Variants in PABPN1 observed in about 807,000 individuals in gnomAD.
PABPN1 encodes the protein poly(A) binding protein nuclear 1.
In PABPN1, 5 loss-of-function variants were observed where a neutral mutation model predicts 33.4. That is an observed-to-expected ratio of 0.15 (90% CI 0.08 to 0.32). The LOEUF is 0.32. Ranked by LOEUF, PABPN1 falls within the 10% of genes least tolerant of loss-of-function variation. The pLI, the probability that PABPN1 is intolerant of heterozygous loss-of-function variation, is 1.00. For missense variants in PABPN1, 312 were observed against 425.8 expected (o/e 0.73, Z 2.35); for synonymous variants, 176 against 170.6 (o/e 1.03, Z -0.25).
rs550945824 is a variant in PABPN1, at chr14:23,324,059, C to T, written c.729+7C>T. The T allele has an allele frequency of 3.7e-6, 6 of 1,614,166 alleles. No homozygotes were observed. The highest frequency in any genetic ancestry group is 4.2e-6 in the Non-Finnish European group (5 of 1,180,030). ...TAGAGGAAGGCAAATCAAGGTAAGC[C>T]TATGTCCATTGCTGTTCTAGTTGTG... is the stretch of plus-strand genomic sequence containing the variant. On this transcript the variant is annotated splice_region_variant and intron_variant, in intron 5 of 6. Transcript: ENST00000216727.
chr14:23,325,213 C>T, intron 6 of PABPN1, 34 bp from the exon 7 acceptor site: 1 of 1,613,558 alleles, frequency 6.2e-7, no homozygotes, highest in Non-Finnish European at 8.5e-7. Flanking sequence ...ATCTAGTGAT[C>T]ACGTTAACAC....
At chr14:23,323,140 A>G (rs1160817483) in intron 3 of PABPN1, 74 bp downstream of exon 3, 12 of 1,598,276 alleles carry the variant, frequency 7.5e-6, no homozygotes, top group Admixed American at 1.7e-5. Flanking sequence ...TCCTGAAAGG[A>G]ACATCTCCGG....
rs1888722258 is a variant in PABPN1, at chr14:23,325,913, T to C, written c.*627T>C. The C allele has an allele frequency of 6.5e-6, 1 of 152,798 alleles. No homozygotes were observed. The allele number at this position is 152,798 out of a possible 1,614,324, so 9.5% of individuals were successfully genotyped here. ...CCGCTCCCAGCGGCTCCAGTGTAAA[T>C]TCCCCTTCCCCCTGGGGAAATGCAC... is the stretch of plus-strand genomic sequence containing the variant. On this transcript the variant is annotated 3_prime_UTR_variant, in exon 7 of 7. Transcript: ENST00000216727.
At chr14:23,321,867 G>A in intron 1 of PABPN1, 47 bp downstream of exon 1, 1 of 1,340,196 alleles carries the variant, frequency 7.5e-7, no homozygotes, top group Non-Finnish European at 1.0e-6. Flanking sequence ...GGCCGGCCGG[G>A]TCACTGGAGG....
At chr14:23,323,728 C>G (rs1208811952) in intron 4 of PABPN1, among the ~76,000 whole-genome samples, 6 of 152,248 alleles carry the variant, frequency 3.9e-5, no homozygotes, top group African/African-American at 1.4e-4. Flanking sequence ...TCTACTTGGC[C>G]TATTATGGCC....
rs577048276 is a variant in PABPN1, at chr14:23,325,324, A to T, written c.*38A>T. The T allele has an allele frequency of 4.0e-4, 609 of 1,527,322 alleles. 10 individuals are homozygous for T. The South Asian group carries it at 7.3e-3, about 18-fold the overall frequency. The allele number at this position is 1,527,322 out of a possible 1,614,324, so 94.6% of individuals were successfully genotyped here. A position where few individuals can be genotyped will look rare whatever the true frequency, so the allele number is the denominator to read the frequency against. ...TTAGGAGGAGAGAGAGGAAAAAAAG[A>T]GGAAAGAAGGAAAAAAAAAAGAATT... On this transcript the variant is annotated 3_prime_UTR_variant, in exon 7 of 7. Transcript: ENST00000216727.
At position 23,321,730 on chromosome 14, in the gene PABPN1, G is replaced by T; in HGVS notation, c.261G>T (p.Gly87=). The T allele has an allele frequency of 1.3e-6, 2 of 1,542,424 alleles. No homozygotes were observed. Among genetic ancestry groups the T allele is most frequent in the Non-Finnish European group, 8.7e-7 (1 of 1,144,044 alleles). The change falls in exon 1 of 7, where the codon GGG becomes GGT. Residue 87 remains glycine (G), a synonymous_variant. Coordinates refer to ENST00000216727, the MANE Select transcript of PABPN1 (RefSeq NM_004643.4). ...PRAPPGAPGP[G]PGSGAPGSQE... is the part of the protein sequence containing the mutation. ...CCCCCCCGGGAGCTCCGGGCCCTGG[G>T]CCTGGTTCGGGAGCCCCCGGCAGCC... is the stretch of plus-strand genomic sequence containing the variant.
Position 23,321,707 on chromosome 14 carries a change from C to T in PABPN1, c.238C>T (p.Pro80Ser). The T allele has an allele frequency of 9.7e-6, 15 of 1,539,494 alleles. No individual in the cohort carries two copies. The highest frequency in any genetic ancestry group is 1.3e-5 in the Non-Finnish European group (15 of 1,141,202). ...PEEEPPRPRA[P>S]PGAPGPGPGS... The stretch of plus-strand genomic sequence containing the variant: ...AGAGGAGCCGCCCCGGCCCCGCGCC[C>T]CCCCGGGAGCTCCGGGCCCTGGGCC... Residue 80 changes from proline to serine, a missense_variant, in exon 1 of 7, where the codon CCC becomes TCC. Transcript: ENST00000216727.
At position 23,323,266 on chromosome 14, in the gene PABPN1, T is replaced by C; in HGVS notation, c.535-111T>C. Reference sequence around the variant, plus strand: ...AGGAAAAGAGATTAATTCCTCAAATTACCAGATTTCATGTGCTTTGGTGTA... The same window carrying C: ...AGGAAAAGAGATTAATTCCTCAAATCACCAGATTTCATGTGCTTTGGTGTA... On this transcript the variant is annotated intron_variant, in intron 3 of 6. Transcript: ENST00000216727. 8 of 1,317,292 alleles carry C rather than the reference T, an allele frequency of 6.1e-6. No homozygotes were observed. In the South Asian group the frequency reaches 8.5e-5, roughly 14 times the overall value. The allele number at this position is 1,317,292 out of a possible 1,614,324, so 81.6% of individuals were successfully genotyped here.
chr14:23,321,618 T>C lies in PABPN1; in HGVS notation c.149T>C (p.Leu50Pro), dbSNP rs1421635538. Residue 50 changes from leucine to proline, a missense_variant, in exon 1 of 7, where the codon CTG becomes CCG. Leu to Pro is a moderately conservative substitution (Grantham distance 98, BLOSUM62 -3). Around this residue, in one of 3 missense-constraint regions of PABPN1, gnomAD observed 167 missense variants for 168.9 expected, o/e 0.99. Coordinates refer to ENST00000216727, the MANE Select transcript of PABPN1 (RefSeq NM_004643.4). ...GGCGCAGGGGACTACGGGAACGGCC[T>C]GGAGTCTGAGGAACTGGAGCCTGAG... ...PGGAGDYGNGLESEELEPEEL... is the reference protein window; with the variant it reads ...PGGAGDYGNGPESEELEPEEL... The C allele has an allele frequency of 6.6e-7, 1 of 1,517,282 alleles. No individual in the cohort carries two copies. The highest frequency in any genetic ancestry group is 8.9e-7 in the Non-Finnish European group (1 of 1,123,456). The allele number at this position is 1,517,282 out of a possible 1,614,324, so 94.0% of individuals were successfully genotyped here. A position where few individuals can be genotyped will look rare whatever the true frequency, so the allele number is the denominator to read the frequency against.
chr14:23,322,055 C>A (rs1161121653), intron 1 of PABPN1, 126 bp from the exon 2 acceptor site: 4 of 1,038,920 alleles, frequency 3.9e-6, no homozygotes, highest in Non-Finnish European at 5.8e-6. Flanking sequence ...TCTTTTATCA[C>A]GACCCTCGCA....
At chr14:23,324,109 A>G (rs952249863) in intron 5 of PABPN1, 29 bp from the exon 6 acceptor site, 3 of 1,614,064 alleles carry the variant, frequency 1.9e-6, no homozygotes, top group Non-Finnish European at 2.5e-6. Flanking sequence ...GTTGCCTTTA[A>G]GGCTATCATT....
chr14:23,321,960 A>T (rs1362798350), intron 1 of PABPN1, 140 bp downstream of exon 1: 4 of 778,330 alleles, frequency 5.1e-6, no homozygotes, highest in African/African-American at 1.8e-5. Context: ...CGGGCCGGGG[A>T]TGGGTCAGCG....
rs760957465 is a variant in PABPN1 at position 23,324,274 on chromosome 14, G to C, written c.866G>C (p.Arg289Pro). 1 of 1,612,988 alleles carries C rather than the reference G, an allele frequency of 6.2e-7. No individual in the cohort carries two copies. The highest frequency in any genetic ancestry group is 8.5e-7 in the Non-Finnish European group (1 of 1,180,026). Residue 289 changes from arginine (R) to proline (P), a missense_variant, in exon 6 of 7, where the codon CGG becomes CCG. Coordinates refer to ENST00000216727, the MANE Select transcript of PABPN1 (RefSeq NM_004643.4). ...RFYSGFNSRP[R>P]GRVYRGRARA... ...TACAGTGGTTTTAACAGCAGGCCCC[G>C]GGGTCGCGTCTACAGGTCAGGATAG...
intron 4 of PABPN1, 36 bp from the exon 5 acceptor site, chr14:23,323,929 G>A: frequency 6.2e-7 from 1 of 1,608,072 alleles, no homozygotes; most frequent in Non-Finnish European, 8.5e-7. Context: ...TGAGGTATTT[G>A]TAACCTCAGA....
rs1404641897 is a variant in PABPN1, at chr14:23,325,358, A to G, written c.*72A>G. The G allele has an allele frequency of 1.3e-6, 2 of 1,517,976 alleles. No individual in the cohort carries two copies. The highest frequency in any genetic ancestry group is 1.8e-6 in the Non-Finnish European group (2 of 1,132,940). 94.0% of individuals were successfully genotyped at this position (1,517,976 alleles called of 1,614,324 possible). ...GGAAAAAAAAAAGAATTAAAAAAAA[A>G]AAAAAGAAAAACAGAAGATGACCTT... On this transcript the variant is annotated 3_prime_UTR_variant, in exon 7 of 7. Coordinates refer to ENST00000216727, the MANE Select transcript of PABPN1 (RefSeq NM_004643.4).
chr14:23,324,239 C>A lies in PABPN1; in HGVS notation c.831C>A (p.Arg277=). The A allele has an allele frequency of 6.2e-7, 1 of 1,614,156 alleles. No individual in the cohort carries two copies. Among genetic ancestry groups the A allele is most frequent in the Non-Finnish European group, 8.5e-7 (1 of 1,180,052 alleles). Residue 277 remains arginine, a synonymous_variant, in exon 6 of 7, where the codon CGC becomes CGA. Coordinates refer to ENST00000216727, the MANE Select transcript of PABPN1 (RefSeq NM_004643.4). ...RARTTNYNSS[R]SRFYSGFNSR... is the part of the protein sequence containing the mutation. ...GGACCACCAACTACAACAGCTCCCG[C>A]TCTCGATTCTACAGTGGTTTTAACA...
At chr14:23,324,396 T>C in intron 6 of PABPN1, 107 bp downstream of exon 6, 1 of 1,261,964 alleles carries the variant, frequency 7.9e-7, no homozygotes, top group Non-Finnish European at 1.1e-6. Context: ...CCCCGTGGTC[T>C]TCAGGAACTT....
rs975159854 is a variant in PABPN1, at chr14:23,324,308, C to T, written c.881+19C>T. The T allele has an allele frequency of 3.1e-6, 5 of 1,609,506 alleles. No homozygotes were observed. In the Admixed American group the frequency reaches 8.3e-5, roughly 27 times the overall value. ...TCTACAGGTCAGGATAGATGGGCTG[C>T]TCCTCTTTCCCCCGCCTCCCGTGAG... On this transcript the variant is annotated intron_variant, in intron 6 of 6. Transcript: ENST00000216727.
Sources: gnomAD v4.1 joint callset for allele counts (sites outside exome capture counted in the v4.1 genomes callset) on GRCh38, gnomAD v4.1.1 for gene constraint, gnomAD v4.1.1 regional missense constraint, MANE v1.5 for transcripts, NCBI Gene and HGNC (gene_info 2026-07-23, HGNC 2026-07-21) for gene names.